LSM8: variants seen among roughly 807,000 people sequenced by gnomAD.
The protein encoded by LSM8 is LSM8 homolog, U6 small nuclear RNA associated.
In LSM8, 14 loss-of-function variants were observed where a neutral mutation model predicts 15.0. The observed-to-expected ratio is 0.93, with a 90% CI of 0.62 to 1.46. LSM8 has a LOEUF of 1.46. LSM8 is among the 40% of genes most tolerant of loss of function. LSM8 has a pLI of 0.00. For missense variants in LSM8, 90 were observed against 115.4 expected (o/e 0.78, Z 1.01); for synonymous variants, 50 against 42.1 (o/e 1.19, Z -0.73).
intron 3 of LSM8, chr7:118,189,324 G>C (rs1392619906): frequency 6.6e-6 from 1 of 151,676 alleles, no homozygotes; most frequent in East Asian, 1.9e-4. Context: ...AGGTGGAGGC[G>C]GGTGGATCAC....
chr7:118,184,578 A>T (rs1808852655), intron 1 of LSM8: 1 of 245,930 alleles, frequency 4.1e-6, no homozygotes, highest in Non-Finnish European at 7.8e-6. Context: ...TTTGTGAATA[A>T]GATGAACAGT....
At position 118,201,991 on chromosome 7, in the gene LSM8, T is replaced by A. The variant is rs1809179608; in HGVS notation, c.*9989T>A. On this transcript the variant is annotated 3_prime_UTR_variant, in exon 4 of 4. Coordinates refer to ENST00000249299, the MANE Select transcript of LSM8 (RefSeq NM_016200.5). Reference sequence around the variant, plus strand: ...AGTCTCTAGATCCTGATCACTTCTATGTGAATTTGTAATATTCTGCTTTTG... The same window carrying A: ...AGTCTCTAGATCCTGATCACTTCTAAGTGAATTTGTAATATTCTGCTTTTG... Among the ~76,000 whole-genome samples, 1 of 152,224 alleles carries A rather than the reference T, an allele frequency of 6.6e-6. No individual in the cohort carries two copies. Among genetic ancestry groups the A allele is most frequent in the East Asian group, 1.9e-4 (1 of 5,188 alleles).
At chr7:118,189,584 C>G (rs1562861954) in intron 3 of LSM8, 1 of 151,850 alleles carries the variant, frequency 6.6e-6, no homozygotes, top group Non-Finnish European at 1.5e-5. Flanking sequence ...ATGTGGTTCA[C>G]GTGCCGTGGC....
chr7:118,185,649 A>G lies in LSM8; in HGVS notation c.32-5A>G, dbSNP rs772629997. On this transcript the variant is annotated splice_region_variant and splice_polypyrimidine_tract_variant and intron_variant, in intron 1 of 3. Coordinates refer to ENST00000249299, the MANE Select transcript of LSM8 (RefSeq NM_016200.5). ...AAGAAACACTTTCTTTGATTCAGTT[A>G]TCAGGAACTGTTGCCGTTATTACAT... is the stretch of plus-strand genomic sequence containing the variant. 2 of 1,607,998 alleles carry G rather than the reference A, an allele frequency of 1.2e-6. No homozygotes were observed. The highest frequency in any genetic ancestry group is 1.1e-5 in the South Asian group (1 of 90,726).
In LSM8 at chr7:118,200,511, C is replaced by T. The variant is rs1809154855; in HGVS notation, c.*8509C>T. ...TGAACTAAAAATAAGTGGTCTCTAT[C>T]ACGTTGAAATTACTTTAATATTTTC... On this transcript the variant is annotated 3_prime_UTR_variant, in exon 4 of 4. Transcript: ENST00000249299. 6.6e-6 allele frequency among the ~76,000 whole-genome samples: 1 copy of T among 152,092 alleles called. No individual in the cohort carries two copies. Among genetic ancestry groups the T allele is most frequent in the Non-Finnish European group, 1.5e-5 (1 of 68,000 alleles).
intron 2 of LSM8, among the ~76,000 whole-genome samples, 186 bp downstream of exon 2, chr7:118,185,880 C>A (rs1808881162): frequency 6.6e-6 from 1 of 152,162 alleles, no homozygotes; most frequent in Non-Finnish European, 1.5e-5. Flanking sequence ...TTGTGTGTTA[C>A]CTACAAGGTT....
chr7:118,187,126 C>G (rs1471415795), intron 2 of LSM8, among the ~76,000 whole-genome samples: 1 of 152,176 alleles, frequency 6.6e-6, no homozygotes, highest in African/African-American at 2.4e-5. Flanking sequence ...CATTTGCTAA[C>G]TAGTTCAATA....
chr7:118,193,555 G>T lies in LSM8; in HGVS notation c.*1553G>T, dbSNP rs1273770916. ...TTAAGGGCTGTCTCTGGGAGAATTA[G>T]AGAAGTTAGCTAGTATTGGCTATTC... On this transcript the variant is annotated 3_prime_UTR_variant, in exon 4 of 4. Coordinates refer to ENST00000249299, the MANE Select transcript of LSM8 (RefSeq NM_016200.5). Among the ~76,000 whole-genome samples the T allele has an allele frequency of 6.6e-6, 1 of 152,066 alleles. No individual in the cohort carries two copies. The highest frequency in any genetic ancestry group is 1.5e-5 in the Non-Finnish European group (1 of 67,968).
intron 3 of LSM8, chr7:118,190,598 T>G (rs1273536532): frequency 6.6e-6 from 1 of 152,190 alleles, no homozygotes; most frequent in Non-Finnish European, 1.5e-5. Context: ...TTTTTAAAAA[T>G]GTATCAGCAT....
Position 118,194,864 on chromosome 7 carries a change from G to C in LSM8, c.*2862G>C, listed in dbSNP as rs539456669. ...TATCATGTGCCAGGCCTGGTGCTGA[G>C]TGCTTACAATGATCATTTTATATAT... is the stretch of plus-strand genomic sequence containing the variant. On this transcript the variant is annotated 3_prime_UTR_variant, in exon 4 of 4. Transcript: ENST00000249299. Among the ~76,000 whole-genome samples, 53 of 152,216 alleles carry C rather than the reference G, an allele frequency of 3.5e-4. 1 individual carries two copies. The highest frequency in any genetic ancestry group is 1.2e-3 in the African/African-American group (50 of 41,550).
Position 118,199,900 on chromosome 7 carries a change from A to T in LSM8, c.*7898A>T, listed in dbSNP as rs985860965. Among the ~76,000 whole-genome samples the T allele has an allele frequency of 6.6e-6, 1 of 152,142 alleles. No individual in the cohort carries two copies. Among genetic ancestry groups the T allele is most frequent in the African/African-American group, 2.4e-5 (1 of 41,436 alleles). On this transcript the variant is annotated 3_prime_UTR_variant, in exon 4 of 4. Transcript: ENST00000249299. The stretch of plus-strand genomic sequence containing the variant: ...GAATACGTTGATATAGCAATTTAAT[A>T]AATGTGTTATTGTCAATGTAGGCAT...
rs572491611 is a variant in LSM8 at position 118,194,791 on chromosome 7, T to C, written c.*2789T>C. On this transcript the variant is annotated 3_prime_UTR_variant, in exon 4 of 4. Transcript: ENST00000249299. ...CTTAACTGACAATATAGTTAGTATA[T>C]TCTGGGCCTTCATCTTCAAAATTAG... Among the ~76,000 whole-genome samples the C allele has an allele frequency of 6.6e-6, 1 of 152,222 alleles. No homozygotes were observed. Among genetic ancestry groups the C allele is most frequent in the South Asian group, 2.1e-4 (1 of 4,826 alleles).
rs1242783738 is a variant in LSM8, at chr7:118,200,908, G to A, written c.*8906G>A. 6.6e-6 allele frequency among the ~76,000 whole-genome samples: 1 copy of A among 151,720 alleles called. No homozygotes were observed. Among genetic ancestry groups the A allele is most frequent in the Non-Finnish European group, 1.5e-5 (1 of 67,910 alleles). On this transcript the variant is annotated 3_prime_UTR_variant, in exon 4 of 4. Transcript: ENST00000249299. ...CTTGACTGTTGATTGACAATTAATG[G>A]GCTAAATTTCCCATTAGCAAACACT... is the stretch of plus-strand genomic sequence containing the variant.
rs538896673 is a variant in LSM8 at position 118,189,689 on chromosome 7, C to T, written c.200+1284C>T. On this transcript the variant is annotated intron_variant, in intron 3 of 3. Transcript: ENST00000249299. ...CAGCCTGGCCAGCATAGTGAAACCCCGTCTCTCCTTAAAATAGAAAAATTA... is the reference window on the plus strand; with the variant it reads ...CAGCCTGGCCAGCATAGTGAAACCCTGTCTCTCCTTAAAATAGAAAAATTA... 5 of 152,092 alleles carry T rather than the reference C, an allele frequency of 3.3e-5. No homozygotes were observed. The East Asian group carries it at 5.8e-4, about 18-fold the overall frequency. The allele number at this position is 152,092 out of a possible 1,614,324, so 9.4% of individuals were successfully genotyped here.
intron 1 of LSM8, chr7:118,185,253 G>GTT (rs113235613): frequency 5.1e-4 from 73 of 143,148 alleles, no homozygotes; most frequent in Admixed American, 7.0e-4. Flanking sequence ...CTTTTTTTAA[G>GTT]TTTTTTTTTT....
chr7:118,185,963 C>T (rs1484259300), intron 2 of LSM8, among the ~76,000 whole-genome samples: 1 of 152,150 alleles, frequency 6.6e-6, no homozygotes, highest in African/African-American at 2.4e-5. Context: ...ACTTACTTTT[C>T]TTCTTCCATT....
Position 118,201,788 on chromosome 7 carries a change from ACTTTTTCCCTGTAAGGC to A in LSM8, c.*9788_*9804del, listed in dbSNP as rs1161802252. On this transcript the variant is annotated 3_prime_UTR_variant, in exon 4 of 4. Transcript: ENST00000249299. ...TGTATACATTTGTGGTAACACTTTA[ACTTTTTCCCTGTAAGGC>A]CATCTTTTGTATGTTTCTGTTTCCA... Among the ~76,000 whole-genome samples the A allele has an allele frequency of 6.6e-6, 1 of 152,080 alleles. No homozygotes were observed. Among genetic ancestry groups the A allele is most frequent in the Non-Finnish European group, 1.5e-5 (1 of 67,990 alleles).
intron 2 of LSM8, among the ~76,000 whole-genome samples, chr7:118,186,034 C>G (rs541461867): frequency 1.3e-5 from 2 of 152,224 alleles, no homozygotes; most frequent in East Asian, 3.9e-4. Flanking sequence ...TTTGCATATG[C>G]TTAGTAACTT....
In LSM8 at chr7:118,196,814, C is replaced by G. The variant is rs1331264308; in HGVS notation, c.*4812C>G. On this transcript the variant is annotated 3_prime_UTR_variant, in exon 4 of 4. Coordinates refer to ENST00000249299, the MANE Select transcript of LSM8 (RefSeq NM_016200.5). ...GTGCAATCTTGGCTCACTACAACCT[C>G]CGCATCCTGGGTTCAAGCGATTCCC... Among the ~76,000 whole-genome samples, 2 of 151,472 alleles carry G rather than the reference C, an allele frequency of 1.3e-5. No individual in the cohort carries two copies. Among genetic ancestry groups the G allele is most frequent in the Non-Finnish European group, 2.9e-5 (2 of 67,912 alleles).
Sources: allele counts gnomAD v4.1 joint callset (sites outside exome capture counted in the v4.1 genomes callset), GRCh38; gene constraint gnomAD v4.1.1; transcripts MANE v1.5; gene names NCBI Gene and HGNC (gene_info 2026-07-23, HGNC 2026-07-21).